ZNF540: variants seen among roughly 807,000 people sequenced by gnomAD.
ZNF540 encodes zinc finger protein 540.
In ZNF540, 3 loss-of-function variants were observed where a neutral mutation model predicts 11.8. That is an observed-to-expected ratio of 0.25 (90% CI 0.12 to 0.65). The LOEUF (loss-of-function observed/expected upper bound fraction) is 0.65, where lower values mean the gene tolerates loss of function less well. Among genes scored for constraint, ZNF540 ranks in the 30% least tolerant of loss-of-function variants. ZNF540 has a pLI of 0.83. For missense variants in ZNF540, 709 were observed against 793.1 expected (o/e 0.89, Z 1.27); for synonymous variants, 247 against 259.0 (o/e 0.95, Z 0.45).
chr19:37,559,743 C>T (rs1011400083), intron 1 of ZNF540, among the ~76,000 whole-genome samples: 8 of 151,982 alleles, frequency 5.3e-5, no homozygotes, highest in Non-Finnish European at 1.0e-4. Flanking sequence ...ACAAGAAAGG[C>T]AAAAATAGGG....
intron 1 of ZNF540, among the ~76,000 whole-genome samples, chr19:37,561,048 C>CAAAAAAAAAAAA (rs199892724): frequency 8.1e-5 from 6 of 73,774 alleles, no homozygotes; most frequent in South Asian, 4.2e-4. Context: ...CCTGTCTCTA[C>CAAAAAAAAAAAA]AAAAAAAAAA....
At chr19:37,582,350 T>C (rs890034847) in intron 1 of ZNF540, among the ~76,000 whole-genome samples, 2 of 152,220 alleles carry the variant, frequency 1.3e-5, no homozygotes, top group Non-Finnish European at 2.9e-5. Flanking sequence ...AGCTAACTGC[T>C]TCCTCCTTTT....
intron 4 of ZNF540, among the ~76,000 whole-genome samples, chr19:37,605,892 A>G (rs913526821): frequency 2.0e-5 from 3 of 152,202 alleles, no homozygotes; most frequent in Admixed American, 6.5e-5. Flanking sequence ...TCTGTTCAGA[A>G]ATTTTATCCA....
At chr19:37,555,873 G>T (rs1033873506) in intron 1 of ZNF540, 3 of 700,482 alleles carry the variant, frequency 4.3e-6, no homozygotes, top group Non-Finnish European at 7.8e-6. Context: ...CATAATTTAG[G>T]ACGAGAAGCA....
Position 37,613,630 on chromosome 19 carries a change from A to G in ZNF540, c.*367A>G. Reference sequence around the variant, plus strand: ...TAATACAGCAACAACTATCTGGCCCAAACTGCTTTGGATTAATATTGGATA... The same window carrying G: ...TAATACAGCAACAACTATCTGGCCCGAACTGCTTTGGATTAATATTGGATA... On this transcript the variant is annotated 3_prime_UTR_variant, in exon 5 of 5. Transcript: ENST00000316433. The G allele has an allele frequency of 2.5e-6, 1 of 396,774 alleles. No homozygotes were observed. The highest frequency in any genetic ancestry group is 2.1e-5 in the African/African-American group (1 of 48,710). 24.6% of individuals were successfully genotyped at this position (396,774 alleles called of 1,614,324 possible). A position where few individuals can be genotyped will look rare whatever the true frequency, so the allele number is the denominator to read the frequency against.
intron 1 of ZNF540, among the ~76,000 whole-genome samples, chr19:37,584,812 A>T (rs2043606530): frequency 1.3e-5 from 2 of 152,118 alleles, no homozygotes; most frequent in Admixed American, 1.3e-4. Flanking sequence ...AATACAAAAA[A>T]AATTAGCCGG....
At position 37,613,797 on chromosome 19, in the gene ZNF540, G is replaced by T; in HGVS notation, c.*534G>T. On this transcript the variant is annotated 3_prime_UTR_variant, in exon 5 of 5. Coordinates refer to ENST00000316433, the MANE Select transcript of ZNF540 (RefSeq NM_001172225.3). ...TGATAAAATCTGTTATGGGCTGAATGTTTGTGTTCCCGTAACAATTCCTAT... is the reference window on the plus strand; with the variant it reads ...TGATAAAATCTGTTATGGGCTGAATTTTTGTGTTCCCGTAACAATTCCTAT... 2 of 398,580 alleles carry T rather than the reference G, an allele frequency of 5.0e-6. No individual in the cohort carries two copies. The highest frequency in any genetic ancestry group is 8.8e-6 in the Non-Finnish European group (2 of 226,074). 24.7% of individuals were successfully genotyped at this position (398,580 alleles called of 1,614,324 possible).
intron 1 of ZNF540, among the ~76,000 whole-genome samples, chr19:37,578,838 T>C (rs1255352818): frequency 6.6e-6 from 1 of 152,338 alleles, no homozygotes; most frequent in East Asian, 1.9e-4. Context: ...GCCTAAACTC[T>C]GGTGGCCTGA....
intron 1 of ZNF540, among the ~76,000 whole-genome samples, chr19:37,559,063 C>CA (rs2042690874): frequency 6.6e-6 from 1 of 152,180 alleles, no homozygotes; most frequent in Non-Finnish European, 1.5e-5. Flanking sequence ...AGGCTGGTCT[C>CA]AAACTCCTGC....
intron 3 of ZNF540, among the ~76,000 whole-genome samples, chr19:37,600,485 T>C (rs192013559): frequency 2.0e-5 from 3 of 152,278 alleles, no homozygotes; most frequent in Non-Finnish European, 2.9e-5. Context: ...TTGCTCTAAG[T>C]AAATTAACAA....
upstream of ZNF540, chr19:37,594,455 T>G (rs552682960): frequency 6.6e-6 from 1 of 152,400 alleles, no homozygotes; most frequent in East Asian, 1.9e-4. Context: ...ATGGTGCCGA[T>G]TTTGTCCGCG....
At chr19:37,611,020 T>C (rs1438786836) in intron 4 of ZNF540, 1 of 143,352 alleles carries the variant, frequency 7.0e-6, no homozygotes, top group Non-Finnish European at 1.5e-5. Context: ...CAATCTTATA[T>C]AATCTTTTTT....
chr19:37,562,986 T>C (rs1435869517), intron 1 of ZNF540: 1 of 152,118 alleles, frequency 6.6e-6, no homozygotes, highest in Non-Finnish European at 1.5e-5. Context: ...AACATACTGT[T>C]TTTCCTATTT....
In ZNF540 at chr19:37,565,220, T is replaced by G. The variant is rs1327654701; in HGVS notation, c.-73+13555T>G. ...TCTTTGATGTTGAATAAGATTAGAA[T>G]TAGAAATAAAGGCTTTCCCACATTC... On this transcript the variant is annotated intron_variant, in intron 1 of 4. Transcript: ENST00000592533. 5 of 1,613,272 alleles carry G rather than the reference T, an allele frequency of 3.1e-6. No individual in the cohort carries two copies. In the African/African-American group the frequency reaches 6.7e-5, roughly 22 times the overall value.
At position 37,571,406 on chromosome 19, in the gene ZNF540, G is replaced by T. The variant is rs140933718; in HGVS notation, c.-73+19741G>T. Among the ~76,000 whole-genome samples the T allele has an allele frequency of 4.1e-3, 627 of 152,166 alleles. 1 individual carries two copies. The highest frequency in any genetic ancestry group is 6.0e-3 in the Non-Finnish European group (409 of 68,022). On this transcript the variant is annotated intron_variant, in intron 1 of 4. Transcript: ENST00000592533. Reference sequence around the variant, plus strand: ...AGCTACTTGGGAGGCTGAGGCAAAAGAATCGCCTGAACCCAGGAAGTGGAG... The same window carrying T: ...AGCTACTTGGGAGGCTGAGGCAAAATAATCGCCTGAACCCAGGAAGTGGAG...
chr19:37,576,720 T>C (rs2147179272), intron 1 of ZNF540, among the ~76,000 whole-genome samples: 1 of 152,164 alleles, frequency 6.6e-6, no homozygotes, highest in East Asian at 1.9e-4. Context: ...ATGAAAGTGA[T>C]TTAATATATT....
chr19:37,576,542 C>T (rs1024496542), intron 1 of ZNF540, among the ~76,000 whole-genome samples: 3 of 152,098 alleles, frequency 2.0e-5, no homozygotes, highest in African/African-American at 4.8e-5. Flanking sequence ...ACTAATTTTC[C>T]TTAGGGTTTG....
At position 37,561,048 on chromosome 19, in the gene ZNF540, CAAAAAA is replaced by C. The variant is rs199892724; in HGVS notation, c.-73+9404_-73+9409del. Among the ~76,000 whole-genome samples the C allele has an allele frequency of 2.2e-3, 159 of 73,770 alleles. 1 individual carries two copies. Among genetic ancestry groups the C allele is most frequent in the African/African-American group, 2.8e-3 (61 of 21,984 alleles). 48.4% of individuals were successfully genotyped at this position (73,770 alleles called of 152,430 possible). A position where few individuals can be genotyped will look rare whatever the true frequency, so the allele number is the denominator to read the frequency against. ...GCAACAAAATAAGACCCTGTCTCTA[CAAAAAA>C]AAAAAAAAAAAAAAAAAAAAGAAAG... is the stretch of plus-strand genomic sequence containing the variant. On this transcript the variant is annotated intron_variant, in intron 1 of 4. Transcript: ENST00000592533.
intron 1 of ZNF540, among the ~76,000 whole-genome samples, chr19:37,554,607 G>C (rs1005969918): frequency 6.6e-6 from 1 of 152,098 alleles, no homozygotes; most frequent in Non-Finnish European, 1.5e-5. Flanking sequence ...TGGCTGATAG[G>C]TTCCAAAAAA....
Sources: gnomAD v4.1 joint callset for allele counts (sites outside exome capture counted in the v4.1 genomes callset) on GRCh38, gnomAD v4.1.1 for gene constraint, MANE v1.5 for transcripts, NCBI Gene and HGNC (gene_info 2026-07-23, HGNC 2026-07-21) for gene names.